CACNA2D3: variants seen among roughly 807,000 people sequenced by gnomAD.
CACNA2D3 encodes voltage-dependent calcium channel subunit alpha-2/delta-3.
CACNA2D3 carries 60 observed loss-of-function variants against 160.6 expected under a neutral mutation model. That is an observed-to-expected ratio of 0.37 (90% confidence interval 0.30 to 0.46). The LOEUF (loss-of-function observed/expected upper bound fraction) is 0.46. CACNA2D3 is among the 20% of genes least tolerant of loss of function. The pLI, the probability that CACNA2D3 is intolerant of heterozygous loss-of-function variation, is 1.00. For synonymous variants in CACNA2D3, 558 were observed against 492.9 expected (o/e 1.13, Z -1.75); for missense variants, 1,205 against 1,365.0 (o/e 0.88, Z 1.85).
intron 5 of CACNA2D3, among the ~76,000 whole-genome samples, chr3:54,524,382 C>G (rs1235183337): frequency 1.3e-5 from 2 of 152,004 alleles, no homozygotes; most frequent in African/African-American, 2.4e-5. Flanking sequence ...ATTATTTCCA[C>G]CCTTTAAAAT....
intron 9 of CACNA2D3, among the ~76,000 whole-genome samples, chr3:54,598,015 C>T (rs977362647): frequency 6.6e-6 from 1 of 151,712 alleles, no homozygotes; most frequent in Admixed American, 6.6e-5. Flanking sequence ...TGGGGCTGGG[C>T]GTGGTGGCTC....
chr3:54,554,734 C>A (rs919642287), intron 5 of CACNA2D3, among the ~76,000 whole-genome samples: 3 of 152,146 alleles, frequency 2.0e-5, no homozygotes, highest in South Asian at 2.1e-4. Context: ...ACCTAGGACT[C>A]AAGCTTCAAG....
chr3:54,781,264 G>A (rs1278702398), intron 13 of CACNA2D3, among the ~76,000 whole-genome samples: 1 of 152,210 alleles, frequency 6.6e-6, no homozygotes, highest in African/African-American at 2.4e-5. Context: ...AGCAGAGCCA[G>A]ACATTTTTGT....
intron 2 of CACNA2D3, among the ~76,000 whole-genome samples, chr3:54,140,880 G>A (rs747268640): frequency 1.3e-5 from 2 of 152,194 alleles, no homozygotes; most frequent in African/African-American, 2.4e-5. Flanking sequence ...TGTGGAGAAT[G>A]AATGAACACT....
chr3:54,855,321 C>T (rs1352945606), intron 17 of CACNA2D3, among the ~76,000 whole-genome samples: 1 of 152,200 alleles, frequency 6.6e-6, no homozygotes, highest in Non-Finnish European at 1.5e-5. Context: ...TCCCTCTGAC[C>T]CTTCATGCAG....
At chr3:54,682,185 AC>A (rs1700364451) in intron 11 of CACNA2D3, among the ~76,000 whole-genome samples, 2 of 151,998 alleles carry the variant, frequency 1.3e-5, no homozygotes, top group Non-Finnish European at 2.9e-5. Flanking sequence ...ACACACACAC[AC>A]ACACACACCA....
intron 17 of CACNA2D3, among the ~76,000 whole-genome samples, chr3:54,864,482 C>T (rs1035534578): frequency 5.9e-5 from 9 of 152,076 alleles, no homozygotes; most frequent in Non-Finnish European, 1.3e-4. Context: ...CCATGTTGGC[C>T]AGGCTGGTCT....
chr3:54,743,031 A>C (rs1701685076), intron 11 of CACNA2D3, among the ~76,000 whole-genome samples: 1 of 152,252 alleles, frequency 6.6e-6, no homozygotes, highest in Non-Finnish European at 1.5e-5. Context: ...AAAAGTATTG[A>C]AAATAGAGTC....
chr3:54,492,854 G>T (rs1575487156), intron 4 of CACNA2D3, among the ~76,000 whole-genome samples: 1 of 152,036 alleles, frequency 6.6e-6, no homozygotes, highest in African/African-American at 2.4e-5. Flanking sequence ...TCTACAGCTC[G>T]TTCTCTGGAC....
rs549394301 is a variant in CACNA2D3 at position 54,598,624 on chromosome 3, G to C, written c.963+16747G>C. 2.6e-5 allele frequency among the ~76,000 whole-genome samples: 4 copies of C among 152,272 alleles called. No homozygotes were observed. In the South Asian group the frequency reaches 8.3e-4, roughly 32 times the overall value. ...CTCTCCCAGGAAGATGAGTCCTTCT[G>C]TATGGAGTTCTCATGTGCATACCTT... On this transcript the variant is annotated intron_variant, in intron 9 of 37. Coordinates refer to ENST00000474759, the MANE Select transcript of CACNA2D3 (RefSeq NM_018398.3).
chr3:54,592,298 T>C (rs909702985), intron 9 of CACNA2D3, among the ~76,000 whole-genome samples: 5 of 152,180 alleles, frequency 3.3e-5, no homozygotes, highest in Admixed American at 2.0e-4. Flanking sequence ...TCCTGGAACA[T>C]AGATTTTCGA....
chr3:54,246,554 G>A (rs959657155), intron 2 of CACNA2D3, among the ~76,000 whole-genome samples: 7 of 148,216 alleles, frequency 4.7e-5, no homozygotes, highest in African/African-American at 1.5e-4. Context: ...TTAGCCGGGC[G>A]TGGTTGCGGC....
chr3:54,862,304 T>G (rs888280344), intron 17 of CACNA2D3, among the ~76,000 whole-genome samples: 2 of 152,096 alleles, frequency 1.3e-5, no homozygotes, highest in Non-Finnish European at 2.9e-5. Context: ...CCTTCATAAG[T>G]ATCTTCAACA....
intron 3 of CACNA2D3, among the ~76,000 whole-genome samples, chr3:54,322,642 C>G (rs907403297): frequency 1.3e-5 from 2 of 152,096 alleles, no homozygotes; most frequent in African/African-American, 4.8e-5. Flanking sequence ...AGTAAATGTT[C>G]AGTAAACATT....
intron 3 of CACNA2D3, among the ~76,000 whole-genome samples, chr3:54,330,238 G>C (rs1704217398): frequency 6.6e-6 from 1 of 151,550 alleles, no homozygotes; most frequent in Admixed American, 6.6e-5. Context: ...GTGTGTGTGT[G>C]TGTGTGTGTG....
chr3:54,694,263 C>G (rs559745461), intron 11 of CACNA2D3, among the ~76,000 whole-genome samples: 1 of 152,186 alleles, frequency 6.6e-6, no homozygotes, highest in African/African-American at 2.4e-5. Context: ...ACATGCTGTA[C>G]AGGTTTGCAG....
At chr3:54,729,624 C>A (rs1447234618) in intron 11 of CACNA2D3, among the ~76,000 whole-genome samples, 1 of 152,140 alleles carries the variant, frequency 6.6e-6, no homozygotes, top group Admixed American at 6.5e-5. Flanking sequence ...AAGAGTATTG[C>A]TTTTGTCTCT....
intron 10 of CACNA2D3, among the ~76,000 whole-genome samples, chr3:54,635,819 G>A (rs535618915): frequency 6.6e-6 from 1 of 151,864 alleles, no homozygotes; most frequent in Non-Finnish European, 1.5e-5. Flanking sequence ...AGACTCATCT[G>A]TTATCAGACT....
intron 27 of CACNA2D3, among the ~76,000 whole-genome samples, chr3:54,904,879 A>G (rs1700418550): frequency 6.6e-6 from 1 of 152,200 alleles, no homozygotes; most frequent in African/African-American, 2.4e-5. Flanking sequence ...TATGATATTG[A>G]TCAATATGAA....
Sources: allele counts gnomAD v4.1 joint callset (sites outside exome capture counted in the v4.1 genomes callset), GRCh38; gene constraint gnomAD v4.1.1; transcripts MANE v1.5; gene names NCBI Gene and HGNC (gene_info 2026-07-23, HGNC 2026-07-21).